Variants in SPRY3 observed in about 807,000 individuals in gnomAD.
SPRY3 encodes the protein sprouty RTK signaling antagonist 3, also known as protein sprouty homolog 3.
In SPRY3, 15 loss-of-function variants were observed where a neutral mutation model predicts 20.2. The ratio of observed to expected loss-of-function variants is 0.74; its 90% CI spans 0.50 to 1.14. The LOEUF is 1.14. SPRY3 is among the 50% of genes most tolerant of loss of function. The pLI is 0.00. For synonymous variants in SPRY3, 143 were observed against 136.5 expected (o/e 1.05, Z -0.33); for missense variants, 364 against 363.9 (o/e 1.00, Z 0.00).
In SPRY3 at chrX:155,641,905, G is replaced by A. The variant is rs1463048847; in HGVS notation, c.-440-14962G>A. On this transcript the variant is annotated intron_variant, in intron 1 of 3. Transcript: ENST00000675360. ...CAGGGAAGCTTACAGCAAAAGTTTC[G>A]CTGTTTATAGCTTTCTTGGGGAAGA... Among the ~76,000 whole-genome samples, 4 of 114,630 alleles carry A rather than the reference G, an allele frequency of 3.5e-5. No individual in the cohort carries two copies. In the East Asian group the frequency reaches 8.0e-4, roughly 23 times the overall value.
Position 155,666,983 on chromosome X carries a change from T to A in SPRY3, c.-282+9958T>A, listed in dbSNP as rs150678699. On this transcript the variant is annotated intron_variant, in intron 2 of 3. Coordinates refer to ENST00000675360, the Ensembl canonical transcript of SPRY3. ...GTGTACTATACTTAAAGATAGAGTG[T>A]TTTGTATAGCATGTGGTGGTCAAGT... Among the ~76,000 whole-genome samples, 777 of 110,597 alleles carry A rather than the reference T, an allele frequency of 7.0e-3. 6 individuals carry two copies. The highest frequency in any genetic ancestry group is 0.024 in the African/African-American group (738 of 30,449).
chrX:155,774,011 A>C, exon 4 of SPRY3: 1 of 1,613,976 alleles, frequency 6.2e-7, no homozygotes, highest in East Asian at 2.2e-5. Flanking sequence ...CTTATTGTGC[A>C]AACCCACAAG....
intron 1 of SPRY3, among the ~76,000 whole-genome samples, chrX:155,626,133 A>G (rs1043889831): frequency 3.2e-4 from 36 of 111,423 alleles, no homozygotes; most frequent in Admixed American, 3.1e-3. Context: ...ATTTTCCACA[A>G]TGGCTACACA....
intron 2 of SPRY3, among the ~76,000 whole-genome samples, chrX:155,762,645 T>C (rs28669000): frequency 6.6e-6 from 1 of 152,064 alleles, no homozygotes; most frequent in Non-Finnish European, 1.5e-5. Context: ...GAATACAATT[T>C]TATAATTGAG....
chrX:155,777,636 T>TATATATATATATGTAA (rs200220897), downstream of SPRY3: 7 of 70,360 alleles, frequency 9.9e-5, no homozygotes, highest in African/African-American at 3.3e-4. Flanking sequence ...CTTCTGTGAT[T>TATATATATATATGTAA]ATATATATTC....
chrX:155,715,178 A>G (rs1223958217), intron 2 of SPRY3, among the ~76,000 whole-genome samples: 1 of 151,984 alleles, frequency 6.6e-6, no homozygotes, highest in African/African-American at 2.4e-5. Flanking sequence ...ACAGCTGGGA[A>G]TGTGCTGGGT....
chrX:155,720,110 C>A (rs992677424), intron 2 of SPRY3, among the ~76,000 whole-genome samples: 2 of 152,144 alleles, frequency 1.3e-5, no homozygotes, highest in African/African-American at 4.8e-5. Context: ...TTACTACAAG[C>A]TGACAGAAGA....
At chrX:155,765,866 T>A (rs765251633) in intron 2 of SPRY3, among the ~76,000 whole-genome samples, 1 of 152,342 alleles carries the variant, frequency 6.6e-6, no homozygotes, top group South Asian at 2.1e-4. Flanking sequence ...ATTCATGGGG[T>A]GCTTGCTATA....
At chrX:155,744,633 A>G (rs2091217486) in intron 2 of SPRY3, among the ~76,000 whole-genome samples, 1 of 152,122 alleles carries the variant, frequency 6.6e-6, no homozygotes. Context: ...ACAGAAGGAA[A>G]AAAATACAAC....
chrX:155,667,212 T>A (rs1368046010), intron 2 of SPRY3, among the ~76,000 whole-genome samples: 1 of 110,617 alleles, frequency 9.0e-6, no homozygotes, highest in Non-Finnish European at 1.9e-5. Context: ...AAAAATTGGC[T>A]GTGAATGGGG....
intron 1 of SPRY3, among the ~76,000 whole-genome samples, chrX:155,639,179 T>C (rs1882785047): frequency 8.9e-6 from 1 of 112,407 alleles, no homozygotes; most frequent in Non-Finnish European, 1.9e-5. Flanking sequence ...AGAATTATTC[T>C]AATTTTAACA....
chrX:155,642,386 G>A (rs868932023), intron 1 of SPRY3, among the ~76,000 whole-genome samples: 3 of 110,594 alleles, frequency 2.7e-5, no homozygotes, highest in Non-Finnish European at 5.7e-5. Flanking sequence ...TTCTTAATTA[G>A]TCTGCCTAAA....
chrX:155,766,250 C>G (rs994026650), intron 2 of SPRY3, among the ~76,000 whole-genome samples: 1 of 152,116 alleles, frequency 6.6e-6, no homozygotes, highest in Non-Finnish European at 1.5e-5. Context: ...CACAGCCGTA[C>G]TTTTTTAAAT....
intron 2 of SPRY3, among the ~76,000 whole-genome samples, chrX:155,704,282 A>G (rs2090932641): frequency 1.3e-5 from 2 of 151,852 alleles, no homozygotes; most frequent in African/African-American, 4.8e-5. Flanking sequence ...AACACACAAG[A>G]TAGATGGGTA....
chrX:155,726,721 C>T (rs2091100161), intron 2 of SPRY3, among the ~76,000 whole-genome samples: 1 of 152,130 alleles, frequency 6.6e-6, no homozygotes, highest in Non-Finnish European at 1.5e-5. Context: ...TGTCTCTGCA[C>T]ATGATATGGG....
chrX:155,757,770 G>A (rs972850595), intron 2 of SPRY3, among the ~76,000 whole-genome samples: 3 of 152,138 alleles, frequency 2.0e-5, no homozygotes, highest in African/African-American at 7.2e-5. Context: ...ATTCTGATGT[G>A]CAGCCCTGCC....
At chrX:155,716,981 AATATATATATATATATATAT>A (rs749530944) in intron 2 of SPRY3, among the ~76,000 whole-genome samples, 3 of 63,500 alleles carry the variant, frequency 4.7e-5, no homozygotes, top group African/African-American at 1.5e-4. Context: ...TAAAATACAA[AATATATATATATATATATAT>A]ATATATATAT....
intron 2 of SPRY3, among the ~76,000 whole-genome samples, chrX:155,750,258 A>C (rs2091255036): frequency 6.6e-6 from 1 of 151,830 alleles, no homozygotes; most frequent in Non-Finnish European, 1.5e-5. Flanking sequence ...GATGGCAACA[A>C]TAGGCACTGG....
rs782274404 is a variant in SPRY3 at position 155,649,781 on chromosome X, A to C, written c.-440-7086A>C. On this transcript the variant is annotated intron_variant, in intron 1 of 3. Coordinates refer to ENST00000675360, the Ensembl canonical transcript of SPRY3. ...GAAGTCCGGCCAGGGTAATCACACA[A>C]GAGAAGGAAATAAAGGGTATTCAAA... 7.2e-5 allele frequency among the ~76,000 whole-genome samples: 8 copies of C among 111,343 alleles called. No homozygotes were observed. The South Asian group carries it at 3.0e-3, about 42-fold the overall frequency.
Sources: gnomAD v4.1 joint callset for allele counts (sites outside exome capture counted in the v4.1 genomes callset) on GRCh38, gnomAD v4.1.1 for gene constraint, MANE v1.5 for transcripts, NCBI Gene and HGNC (gene_info 2026-07-23, HGNC 2026-07-21) for gene names.